Variants in PTGS1 observed in about 807,000 individuals in gnomAD.
The protein encoded by PTGS1 is prostaglandin G/H synthase 1.
A neutral mutation model predicts 63.0 loss-of-function variants in PTGS1; 40 were observed. That is an observed-to-expected ratio of 0.63 (90% CI 0.49 to 0.83). The LOEUF is 0.83. PTGS1 is among the 40% of genes least tolerant of loss of function. The pLI, the probability that PTGS1 is intolerant of heterozygous loss-of-function variation, is 0.00. For synonymous variants in PTGS1, 298 were observed against 301.9 expected (o/e 0.99, Z 0.13); for missense variants, 709 against 786.5 (o/e 0.90, Z 1.18).
intron 2 of PTGS1, chr9:122,375,330 G>A (rs1837065537): frequency 2.0e-6 from 2 of 985,490 alleles, no homozygotes; most frequent in Non-Finnish European, 2.4e-6. Context: ...GGAGCTTGTG[G>A]CTCTTCTGCC....
At chr9:122,382,026 C>T (rs532312350) in intron 7 of PTGS1, among the ~76,000 whole-genome samples, 1 of 152,296 alleles carries the variant, frequency 6.6e-6, no homozygotes, top group Non-Finnish European at 1.5e-5. Flanking sequence ...AATTATTCCA[C>T]AATATTAATT....
At chr9:122,384,100 G>A (rs10306230) in intron 8 of PTGS1, among the ~76,000 whole-genome samples, 5,167 of 152,132 alleles carry the variant, frequency 0.034, 97 homozygotes, top group Middle Eastern at 0.058. Context: ...TGTGTGCTGC[G>A]CCCGGATGCA....
At chr9:122,391,317 C>T (rs138372788) in intron 10 of PTGS1, among the ~76,000 whole-genome samples, 91 of 120,188 alleles carry the variant, frequency 7.6e-4, no homozygotes, top group African/African-American at 3.8e-3. Flanking sequence ...TACATATACA[C>T]ACACATATAT....
At position 122,393,640 on chromosome 9, in the gene PTGS1, T is replaced by G. The variant is rs1838414551; in HGVS notation, c.*1096T>G. The G allele has an allele frequency of 6.6e-6, 1 of 152,258 alleles. No individual in the cohort carries two copies. Among genetic ancestry groups the G allele is most frequent in the African/African-American group, 2.4e-5 (1 of 41,462 alleles). The allele number at this position is 152,258 out of a possible 1,614,324, so 9.4% of individuals were successfully genotyped here. A position where few individuals can be genotyped will look rare whatever the true frequency, so the allele number is the denominator to read the frequency against. Reference sequence around the variant, plus strand: ...CCGGGGAGGAGAGCACATACTGTGTTCCAATTTCACGCTTTTAATTCTCAT... The same window carrying G: ...CCGGGGAGGAGAGCACATACTGTGTGCCAATTTCACGCTTTTAATTCTCAT... On this transcript the variant is annotated 3_prime_UTR_variant, in exon 11 of 11. Transcript: ENST00000362012.
At chr9:122,382,506 ATACT>A (rs1198589116) in intron 7 of PTGS1, among the ~76,000 whole-genome samples, 2 of 152,240 alleles carry the variant, frequency 1.3e-5, no homozygotes, top group African/African-American at 4.8e-5. Flanking sequence ...TGTTCCACGC[ATACT>A]TAAAGGTTTT....
chr9:122,370,921 G>A, upstream of PTGS1: 3 of 1,179,120 alleles, frequency 2.5e-6, no homozygotes, highest in Non-Finnish European at 3.6e-6. Context: ...CTTGGCCGGG[G>A]CTGGGCAGAG....
chr9:122,383,619 TG>T lies in PTGS1; in HGVS notation c.876del (p.Leu293CysfsTer23). 1 of 1,614,154 alleles carries T rather than the reference TG, an allele frequency of 6.2e-7. No homozygotes were observed. The highest frequency in any genetic ancestry group is 2.2e-5 in the East Asian group (1 of 44,880). Reference protein sequence around the residue: ...SQMAVGQEVFGLLPGLMLYAT... With the variant: ...SQMAVGQEVFXLLPGLMLYAT... ...AGATGGCTGTGGGCCAGGAGGTGTT[TG>T]GGCTGCTTCCTGGGCTCATGCTGTA... On this transcript the variant is annotated frameshift_variant, in exon 8 of 11. Coordinates refer to ENST00000362012, the MANE Select transcript of PTGS1 (RefSeq NM_000962.4). LOFTEE classifies it high-confidence loss of function.
chr9:122,391,073 G>A (rs7874531), intron 10 of PTGS1, among the ~76,000 whole-genome samples: 11,641 of 151,478 alleles, frequency 0.077, 1,375 homozygotes, highest in African/African-American at 0.26. Context: ...ATTTGGTCTA[G>A]TGCTTTCTAA....
At chr9:122,383,207 CTTTTTTTTTT>C (rs556984692) in intron 7 of PTGS1, among the ~76,000 whole-genome samples, 2 of 70,496 alleles carry the variant, frequency 2.8e-5, no homozygotes, top group Non-Finnish European at 4.8e-5. Context: ...TTTTTTTTTT[CTTTTTTTTTT>C]TTTTCTTTTT....
chr9:122,381,936 G>A (rs770701599), intron 7 of PTGS1, among the ~76,000 whole-genome samples, 189 bp downstream of exon 7: 9 of 152,334 alleles, frequency 5.9e-5, no homozygotes, highest in East Asian at 1.9e-4. Flanking sequence ...AGGAGCAGAC[G>A]TGGCCTCCCA....
Position 122,377,891 on chromosome 9 carries a change from A to G in PTGS1, c.95-8A>G. Reference sequence around the variant, plus strand: ...GCATGGTCTCTGACCTCCATTTCTCACCCACAGTGAATCCCTGTTGTTACT... The same window carrying G: ...GCATGGTCTCTGACCTCCATTTCTCGCCCACAGTGAATCCCTGTTGTTACT... On this transcript the variant is annotated splice_region_variant and splice_polypyrimidine_tract_variant and intron_variant, in intron 2 of 10. Coordinates refer to ENST00000362012, the MANE Select transcript of PTGS1 (RefSeq NM_000962.4). The G allele has an allele frequency of 5.0e-6, 8 of 1,613,118 alleles. No individual in the cohort carries two copies. Among genetic ancestry groups the G allele is most frequent in the Non-Finnish European group, 6.8e-6 (8 of 1,179,258 alleles).
chr9:122,391,576 C>G (rs1036445393), intron 10 of PTGS1, among the ~76,000 whole-genome samples: 1 of 151,092 alleles, frequency 6.6e-6, no homozygotes, highest in East Asian at 1.9e-4. Flanking sequence ...AGGAACTGGG[C>G]AGGGAAGCAG....
rs1023680630 is a variant in PTGS1 at position 122,371,168 on chromosome 9, C to T, written c.8-18C>T. The T allele has an allele frequency of 5.0e-6, 8 of 1,608,520 alleles. No homozygotes were observed. The highest frequency in any genetic ancestry group is 1.3e-5 in the African/African-American group (1 of 74,946). ...GCCTTGAATGCCAGGCTCAGCCCCTCATCTCTCTCCTCTGCAGGGAGTCTC... is the reference window on the plus strand; with the variant it reads ...GCCTTGAATGCCAGGCTCAGCCCCTTATCTCTCTCCTCTGCAGGGAGTCTC... On this transcript the variant is annotated intron_variant, in intron 1 of 10. Transcript: ENST00000362012.
chr9:122,382,644 C>T (rs938575775), intron 7 of PTGS1, among the ~76,000 whole-genome samples: 7 of 152,194 alleles, frequency 4.6e-5, no homozygotes, highest in Non-Finnish European at 1.0e-4. Flanking sequence ...AGTAGCTACA[C>T]GTGGCTAGTG....
chr9:122,378,105 T>G, intron 3 of PTGS1, 90 bp downstream of exon 3: 5 of 1,219,812 alleles, frequency 4.1e-6, no homozygotes, highest in Non-Finnish European at 5.9e-6. Flanking sequence ...CCTACCCTCC[T>G]CTCTGACCAT....
intron 2 of PTGS1, among the ~76,000 whole-genome samples, chr9:122,376,346 GT>G (rs1837156563): frequency 5.6e-5 from 1 of 17,980 alleles, no homozygotes; most frequent in Admixed American, 6.4e-4. Context: ...GTCCTTGCTT[GT>G]GTGTGTGTGT....
At chr9:122,381,231 T>C in intron 5 of PTGS1, 140 bp from the exon 6 acceptor site, 1 of 743,420 alleles carries the variant, frequency 1.3e-6, no homozygotes, top group East Asian at 2.7e-5. Flanking sequence ...AGTGGGTTAC[T>C]TGGTGGTGGT....
chr9:122,380,513 G>A (rs1440292715), intron 5 of PTGS1, among the ~76,000 whole-genome samples: 1 of 147,746 alleles, frequency 6.8e-6, no homozygotes, highest in Non-Finnish European at 1.5e-5. Flanking sequence ...AAATAAATAG[G>A]TTGGCAAACT....
chr9:122,371,916 T>G (rs1423455184), intron 2 of PTGS1: 1 of 1,045,412 alleles, frequency 9.6e-7, no homozygotes, highest in Non-Finnish European at 1.4e-6. Flanking sequence ...TCCACACACT[T>G]CGCAAGGTCT....
Sources: allele counts gnomAD v4.1 joint callset (sites outside exome capture counted in the v4.1 genomes callset), GRCh38; gene constraint gnomAD v4.1.1; transcripts MANE v1.5; gene names NCBI Gene and HGNC (gene_info 2026-07-23, HGNC 2026-07-21).